SLC26A5: variants seen among roughly 807,000 people sequenced by gnomAD.
SLC26A5 encodes the protein solute carrier family 26 member 5, also known as prestin.
SLC26A5 carries 51 observed loss-of-function variants against 81.0 expected under a neutral mutation model. The observed-to-expected ratio is 0.63, with a 90% CI of 0.50 to 0.80. The LOEUF (loss-of-function observed/expected upper bound fraction) is 0.80, where lower values mean the gene tolerates loss of function less well. Among genes scored for constraint, SLC26A5 ranks in the 30% least tolerant of loss-of-function variants. The probability of loss-of-function intolerance (pLI) is 0.00; values close to 1 mark genes in which losing one functional copy is unlikely to be tolerated. For synonymous variants in SLC26A5, 325 were observed against 332.8 expected, an observed-to-expected ratio of 0.98 and a Z score of 0.25; for missense variants, 771 against 905.8, an observed-to-expected ratio of 0.85 and a Z score of 1.91.
chr7:103,409,030 C>T (rs10251993), intron 7 of SLC26A5, among the ~76,000 whole-genome samples: 22,384 of 152,194 alleles, frequency 0.15, 5,563 homozygotes, highest in African/African-American at 0.51. Context: ...ATTCCTAAAG[C>T]CTGATTCCAT....
At chr7:103,434,843 G>A (rs951735920) in intron 2 of SLC26A5, among the ~76,000 whole-genome samples, 4 of 152,066 alleles carry the variant, frequency 2.6e-5, no homozygotes, top group African/African-American at 9.7e-5. Context: ...GTAAAGACGG[G>A]GTTTCACCGT....
At chr7:103,422,781 A>T (rs1825447665) in intron 2 of SLC26A5, among the ~76,000 whole-genome samples, 1 of 152,196 alleles carries the variant, frequency 6.6e-6, no homozygotes, top group Non-Finnish European at 1.5e-5. Context: ...TAAAATATTA[A>T]ATGCACAACA....
intron 19 of SLC26A5, among the ~76,000 whole-genome samples, chr7:103,376,511 T>C (rs1448206218): frequency 6.6e-6 from 1 of 152,232 alleles, no homozygotes; most frequent in Non-Finnish European, 1.5e-5. Context: ...TAATTGCTAC[T>C]GTGGTCATGT....
At position 103,391,619 on chromosome 7, in the gene SLC26A5, T is replaced by A. The variant is rs1303798661; in HGVS notation, c.1233+3A>T. The stretch of plus-strand genomic sequence containing the variant: ...AGGTCTTAGAGGCCTGTTATGTACA[T>A]ACCTGTGTCTTCCCACCGGTTCCCT... On this transcript the variant is annotated splice_donor_region_variant and intron_variant, in intron 11 of 19. Transcript: ENST00000306312. 1.9e-6 allele frequency: 3 copies of A among 1,612,112 alleles called. No individual in the cohort carries two copies. Among genetic ancestry groups the A allele is most frequent in the Admixed American group, 1.7e-5 (1 of 59,996 alleles).
At chr7:103,413,730 C>G (rs1174668164) in intron 4 of SLC26A5, among the ~76,000 whole-genome samples, 1 of 152,184 alleles carries the variant, frequency 6.6e-6, no homozygotes, top group African/African-American at 2.4e-5. Context: ...GTGCAGGTCA[C>G]ACCCTCTAGG....
At chr7:103,430,599 T>TTCTGCCTGCCGTTCCAGCA (rs6150261) in intron 2 of SLC26A5, among the ~76,000 whole-genome samples, 3 of 151,798 alleles carry the variant, frequency 2.0e-5, no homozygotes, top group African/African-American at 7.3e-5. Flanking sequence ...CCAGAGAGGA[T>TTCTGCCTGCCGTTCCAGCA]GGCTTTGGAG....
rs1819994176 is a variant in SLC26A5, at chr7:103,355,690, G to T, written c.2042-2764C>A. 2.5e-6 allele frequency: 4 copies of T among 1,608,128 alleles called. No individual in the cohort carries two copies. The East Asian group carries it at 8.9e-5, about 36-fold the overall frequency. On this transcript the variant is annotated intron_variant, in intron 19 of 19. Coordinates refer to the SLC26A5 transcript ENST00000339444. The stretch of plus-strand genomic sequence containing the variant: ...AGTAAATTTTGTCATCTTTCTCTAT[G>T]TAGGTATTAAAGAATCTGACACTGG...
In SLC26A5 at chr7:103,378,570, C is replaced by A. The variant is rs866460435; in HGVS notation, c.1678-17G>T. ...CACTCCAGTCTTTACAGAAGAGCAC[C>A]ATATGCAAAATCACTTCATGGCTCT... On this transcript the variant is annotated splice_polypyrimidine_tract_variant and intron_variant, in intron 16 of 19. Transcript: ENST00000306312. 10 of 1,610,820 alleles carry A rather than the reference C, an allele frequency of 6.2e-6. No individual in the cohort carries two copies. The African/African-American group carries it at 1.1e-4, about 17-fold the overall frequency.
At chr7:103,386,911 G>A (rs1340624936) in intron 14 of SLC26A5, among the ~76,000 whole-genome samples, 14 of 151,996 alleles carry the variant, frequency 9.2e-5, no homozygotes, top group Non-Finnish European at 1.3e-4. Flanking sequence ...ACAGGCACTC[G>A]CCACCACACC....
At chr7:103,408,024 G>C (rs1345885334) in intron 7 of SLC26A5, 21 bp from the exon 8 acceptor site, 1 of 1,613,858 alleles carries the variant, frequency 6.2e-7, no homozygotes, top group Non-Finnish European at 8.5e-7. Context: ...GTGAATGCTG[G>C]ATGTTTACAT....
chr7:103,428,012 C>T (rs1316236441), intron 2 of SLC26A5, among the ~76,000 whole-genome samples: 5 of 152,008 alleles, frequency 3.3e-5, no homozygotes, highest in Non-Finnish European at 7.4e-5. Context: ...ACCACCATGG[C>T]CAGGTAATTT....
chr7:103,365,420 T>G (rs1483489227), intron 19 of SLC26A5, among the ~76,000 whole-genome samples: 4 of 150,850 alleles, frequency 2.7e-5, no homozygotes, highest in Non-Finnish European at 5.9e-5. Flanking sequence ...TCACCTAAGG[T>G]CAGGAGTTGG....
chr7:103,381,000 CA>C (rs1382425870), intron 14 of SLC26A5, among the ~76,000 whole-genome samples: 1 of 151,494 alleles, frequency 6.6e-6, no homozygotes, highest in African/African-American at 2.4e-5. Flanking sequence ...TACATACCCC[CA>C]CACACATGCA....
downstream of SLC26A5, among the ~76,000 whole-genome samples, chr7:103,371,232 T>C (rs1821012505): frequency 6.6e-6 from 1 of 152,210 alleles, no homozygotes; most frequent in East Asian, 1.9e-4. Flanking sequence ...CTTGTGCTTT[T>C]AATATACATA....
chr7:103,385,534 A>C (rs974914601), intron 14 of SLC26A5, among the ~76,000 whole-genome samples: 1 of 152,126 alleles, frequency 6.6e-6, no homozygotes, highest in African/African-American at 2.4e-5. Context: ...TTACAGAAGA[A>C]GCCAGCTGAA....
At chr7:103,420,365 A>G (rs1429860497) in intron 4 of SLC26A5, among the ~76,000 whole-genome samples, 1 of 144,752 alleles carries the variant, frequency 6.9e-6, no homozygotes, top group Non-Finnish European at 1.5e-5. Flanking sequence ...GTATGATCAT[A>G]GCTCATTACA....
chr7:103,385,256 G>A (rs1050601996), intron 14 of SLC26A5, among the ~76,000 whole-genome samples: 4 of 151,932 alleles, frequency 2.6e-5, no homozygotes, highest in South Asian at 2.1e-4. Context: ...CCGCCTCCCC[G>A]GGTTCACACC....
At chr7:103,411,690 G>A in intron 5 of SLC26A5, 104 bp from the exon 6 acceptor site, 1 of 1,295,436 alleles carries the variant, frequency 7.7e-7, no homozygotes, top group South Asian at 1.2e-5. Flanking sequence ...AATCATGCTT[G>A]AAGGAAGGCT....
At chr7:103,429,818 T>A (rs1274075093) in intron 2 of SLC26A5, among the ~76,000 whole-genome samples, 1 of 152,222 alleles carries the variant, frequency 6.6e-6, no homozygotes, top group Non-Finnish European at 1.5e-5. Context: ...GTTGGCTGAA[T>A]GATCTTGAGT....
Sources: allele counts gnomAD v4.1 joint callset (sites outside exome capture counted in the v4.1 genomes callset), GRCh38; gene constraint gnomAD v4.1.1; transcripts MANE v1.5; gene names NCBI Gene and HGNC (gene_info 2026-07-23, HGNC 2026-07-21).